TFPI: variants seen among roughly 807,000 people sequenced by gnomAD.
TFPI encodes tissue factor pathway inhibitor, also known as anti-convertin.
In TFPI, 15 loss-of-function variants were observed where a neutral mutation model predicts 34.6. The ratio of observed to expected loss-of-function variants is 0.43; its 90% CI spans 0.29 to 0.67. TFPI has a LOEUF of 0.67. Ranked by LOEUF, TFPI falls within the 30% of genes least tolerant of loss-of-function variation. The probability of loss-of-function intolerance (pLI) is 0.15; values close to 1 mark genes in which losing one functional copy is unlikely to be tolerated. For synonymous variants in TFPI, 105 were observed against 120.1 expected, an observed-to-expected ratio of 0.87 and a Z score of 0.82; for missense variants, 301 against 364.0, an observed-to-expected ratio of 0.83 and a Z score of 1.41.
intron 1 of TFPI, chr2:187,547,784 C>T (rs1029875513): frequency 6.6e-6 from 1 of 152,092 alleles, no homozygotes; most frequent in Non-Finnish European, 1.5e-5. Flanking sequence ...CATTATTGTA[C>T]ATTTTTATAA....
At chr2:187,480,066 A>G (rs1464239977) in intron 6 of TFPI, among the ~76,000 whole-genome samples, 2 of 152,082 alleles carry the variant, frequency 1.3e-5, no homozygotes, top group African/African-American at 2.4e-5. Context: ...ACTTGTTTCT[A>G]ATGAACACAT....
chr2:187,475,625 C>A (rs1429018922), intron 6 of TFPI, among the ~76,000 whole-genome samples: 2 of 151,874 alleles, frequency 1.3e-5, no homozygotes, highest in African/African-American at 2.4e-5. Flanking sequence ...CCACATAGAA[C>A]AAATGAGGAA....
At chr2:187,517,119 G>A (rs1489385445) in intron 1 of TFPI, 2 of 152,040 alleles carry the variant, frequency 1.3e-5, no homozygotes, top group Non-Finnish European at 2.9e-5. Context: ...ATCTTTTATT[G>A]AGCACACGTT....
intron 1 of TFPI, among the ~76,000 whole-genome samples, chr2:187,552,479 A>G (rs1574550354): frequency 6.6e-6 from 1 of 152,220 alleles, no homozygotes; most frequent in East Asian, 1.9e-4. Flanking sequence ...TATTAATTTA[A>G]CAATAAGTTT....
rs575150226 is a variant in TFPI, at chr2:187,489,715, T to C, written c.320-1340A>G. ...AACATCTATTTTGTTTGTTTACTGT[T>C]ACATTGTAAATAGGATTAATTCAGG... On this transcript the variant is annotated intron_variant, in intron 3 of 7. Coordinates refer to ENST00000233156, the MANE Select transcript of TFPI (RefSeq NM_006287.6). 4.0e-5 allele frequency among the ~76,000 whole-genome samples: 6 copies of C among 151,656 alleles called. 1 individual carries two copies. The East Asian group carries it at 9.6e-4, about 24-fold the overall frequency.
At chr2:187,525,744 C>G (rs1168810700) in intron 1 of TFPI, among the ~76,000 whole-genome samples, 1 of 152,034 alleles carries the variant, frequency 6.6e-6, no homozygotes, top group East Asian at 1.9e-4. Context: ...AAAGACTGAA[C>G]ATCTATAAAT....
intron 1 of TFPI, chr2:187,514,943 A>G (rs984217369): frequency 2.0e-5 from 3 of 152,254 alleles, no homozygotes; most frequent in African/African-American, 7.2e-5. Flanking sequence ...TACAACCAAC[A>G]GCAACGAGCT....
chr2:187,528,463 C>T (rs879692148), intron 1 of TFPI, among the ~76,000 whole-genome samples: 7 of 152,070 alleles, frequency 4.6e-5, no homozygotes, highest in Non-Finnish European at 1.0e-4. Flanking sequence ...AAAGAGCAAA[C>T]CCTGTTTTAT....
At position 187,465,745 on chromosome 2, in the gene TFPI, G is replaced by A. The variant is rs1362663744; in HGVS notation, c.*1191C>T. On this transcript the variant is annotated 3_prime_UTR_variant, in exon 8 of 8. Transcript: ENST00000233156. ...TGAAGCTATTCATGAAGCTAGTCAT[G>A]AAGCTAGTCATACCAAATGAATGAA... 5 of 149,868 alleles carry A rather than the reference G, an allele frequency of 3.3e-5. No individual in the cohort carries two copies. Among genetic ancestry groups the A allele is most frequent in the African/African-American group, 1.2e-4 (5 of 41,028 alleles). 9.3% of individuals were successfully genotyped at this position (149,868 alleles called of 1,614,324 possible). A position where few individuals can be genotyped will look rare whatever the true frequency, so the allele number is the denominator to read the frequency against.
intron 1 of TFPI, chr2:187,513,526 A>G (rs1456784503): frequency 6.6e-6 from 1 of 152,546 alleles, no homozygotes; most frequent in African/African-American, 2.4e-5. Flanking sequence ...CTTTTAGCAC[A>G]CGTACCACCC....
Position 187,488,373 on chromosome 2 carries a change from T to C in TFPI, c.322A>G (p.Asn108Asp). 2 of 1,550,474 alleles carry C rather than the reference T, an allele frequency of 1.3e-6. No individual in the cohort carries two copies. The highest frequency in any genetic ancestry group is 2.1e-5 in the Admixed American group (1 of 47,906). ...EECKKMCTRD[N>D]ANRIIKTTLQ... is the part of the protein sequence containing the mutation. ...GTTGTCTTTATAATCCTGTTTGCAT[T>C]ATCTGTAATCAAAAGAATATATGCA... Residue 108 changes from asparagine (N) to aspartate (D), a missense_variant and splice_region_variant, in exon 4 of 8, where the codon AAT becomes GAT. Physicochemically the swap from Asn to Asp is conservative, Grantham distance 23. Transcript: ENST00000233156.
intron 1 of TFPI, among the ~76,000 whole-genome samples, chr2:187,550,558 C>T (rs779270522): frequency 9.2e-5 from 14 of 152,042 alleles, no homozygotes; most frequent in Non-Finnish European, 1.8e-4. Flanking sequence ...TAGGCAACCA[C>T]ATCAAAATTA....
intron 1 of TFPI, among the ~76,000 whole-genome samples, chr2:187,520,937 A>C (rs1687336741): frequency 6.6e-6 from 1 of 151,558 alleles, no homozygotes; most frequent in South Asian, 2.1e-4. Context: ...TGAGTTTTTA[A>C]TTTTTTCTGA....
intron 3 of TFPI, among the ~76,000 whole-genome samples, chr2:187,493,306 C>T (rs1559115550): frequency 6.6e-6 from 1 of 152,156 alleles, no homozygotes. Flanking sequence ...CCCTTTCAAT[C>T]ATGGCTGGAG....
intron 1 of TFPI, among the ~76,000 whole-genome samples, chr2:187,529,205 A>G (rs1213359843): frequency 6.6e-6 from 1 of 152,192 alleles, no homozygotes; most frequent in Admixed American, 6.5e-5. Flanking sequence ...ATTTGCTATC[A>G]CTTCCAAACA....
intron 7 of TFPI, 43 bp downstream of exon 7, chr2:187,467,710 A>T: frequency 6.9e-7 from 1 of 1,450,414 alleles, no homozygotes. Context: ...TTCAATTGCT[A>T]TCTTAAACAC....
At position 187,522,408 on chromosome 2, in the gene TFPI, G is replaced by A. The variant is rs1471079166; in HGVS notation, c.-2-18638C>T. ...GTGGTTGCTAGGGCCTGGAGAGTGG[G>A]GAAAATAGAGTGCTTGTTGTTCAAT... On this transcript the variant is annotated intron_variant, in intron 1 of 7. Transcript: ENST00000233156. 2.0e-5 allele frequency among the ~76,000 whole-genome samples: 3 copies of A among 151,984 alleles called. No individual in the cohort carries two copies. The South Asian group carries it at 6.2e-4, about 32-fold the overall frequency.
At chr2:187,504,127 T>G (rs80332554) in intron 1 of TFPI, among the ~76,000 whole-genome samples, 282 of 152,276 alleles carry the variant, frequency 1.9e-3, no homozygotes, top group African/African-American at 6.6e-3. Context: ...ACTTTCCACA[T>G]CTTTCGCACA....
intron 1 of TFPI, among the ~76,000 whole-genome samples, chr2:187,523,299 C>A (rs1687505070): frequency 6.6e-6 from 1 of 152,092 alleles, no homozygotes; most frequent in South Asian, 2.1e-4. Context: ...TCACTATCCA[C>A]CAACTCTTTA....
Sources: gnomAD v4.1 joint callset for allele counts (sites outside exome capture counted in the v4.1 genomes callset) on GRCh38, gnomAD v4.1.1 for gene constraint, MANE v1.5 for transcripts, NCBI Gene and HGNC (gene_info 2026-07-23, HGNC 2026-07-21) for gene names.